The following PRDM15 variants were observed in gnomAD, a reference collection of about 807,000 sequenced individuals.
The protein encoded by PRDM15 is PR/SET domain 15, also known as PR domain zinc finger protein 15.
PRDM15 carries 64 observed loss-of-function variants against 128.6 expected under a neutral mutation model. The observed-to-expected ratio is 0.50, with a 90% confidence interval of 0.41 to 0.61. The LOEUF (loss-of-function observed/expected upper bound fraction) is 0.61. PRDM15 is among the 20% of genes least tolerant of loss of function. The probability of loss-of-function intolerance (pLI) is 0.00; values close to 1 mark genes in which losing one functional copy is unlikely to be tolerated. For missense variants in PRDM15, 1,242 were observed against 1,569.1 expected (o/e 0.79, Z 3.52); for synonymous variants, 615 against 621.8 (o/e 0.99, Z 0.16).
chr21:41,806,732 T>C (rs1431336593), intron 21 of PRDM15, among the ~76,000 whole-genome samples: 30 of 86,000 alleles, frequency 3.5e-4, no homozygotes, highest in Non-Finnish European at 6.6e-4. Context: ...ACCATCACCA[T>C]CACCATACCA....
chr21:41,863,706 T>G (rs548781718), intron 1 of PRDM15, among the ~76,000 whole-genome samples: 13 of 152,260 alleles, frequency 8.5e-5, no homozygotes, highest in Admixed American at 2.0e-4. Flanking sequence ...AAGGCTGAAG[T>G]GACAGACTCA....
At position 41,823,371 on chromosome 21, in the gene PRDM15, G is replaced by A; in HGVS notation, c.1708C>T (p.Arg570Cys). The A allele has an allele frequency of 1.9e-6, 3 of 1,595,666 alleles. No individual in the cohort carries two copies. Among genetic ancestry groups the A allele is most frequent in the East Asian group, 2.3e-5 (1 of 43,544 alleles). Reference protein sequence around the residue: ...DKKYTCEICGRKFFRVDVLRD... With the variant: ...DKKYTCEICGCKFFRVDVLRD... ...AGCACATCCACGCGGAAGAACTTGC[G>A]CCCGCAGATCTCGCAGGTGTACTTC... The change falls in exon 14 of 24, where the codon CGC (arginine) becomes TGC (cysteine). Residue 570 changes from arginine (R) to cysteine (C), a missense_variant. Coordinates refer to ENST00000398548, the MANE Select transcript of PRDM15 (RefSeq NM_001040424.3).
rs763891895 is a variant in PRDM15, at chr21:41,860,310, G to T, written c.37+17C>A. On this transcript the variant is annotated intron_variant, in intron 2 of 23. Coordinates refer to ENST00000398548, the MANE Select transcript of PRDM15 (RefSeq NM_001040424.3). ...AGGGCTGGTCTCGGACCTGGGACAG[G>T]TCCCTGGGTCACTTACAGATGAACA... 1 of 1,611,354 alleles carries T rather than the reference G, an allele frequency of 6.2e-7. No homozygotes were observed. The highest frequency in any genetic ancestry group is 1.3e-5 in the African/African-American group (1 of 74,868).
intron 21 of PRDM15, among the ~76,000 whole-genome samples, chr21:41,807,011 T>C (rs1328811792): frequency 2.1e-5 from 3 of 146,282 alleles, no homozygotes; most frequent in Admixed American, 6.8e-5. Context: ...ACCACCACCA[T>C]CACCAACACC....
Position 41,859,236 on chromosome 21 carries a change from G to A in PRDM15, c.131+356C>T. ...CCGCTGGCAGGCCAAGACCTGGAAT[G>A]CAGAGAGAAGCCAACGAGCAGACCT... On this transcript the variant is annotated intron_variant, in intron 3 of 23. Coordinates refer to ENST00000398548, the MANE Select transcript of PRDM15 (RefSeq NM_001040424.3). This position sits in a 1 kb window ranked among gnomAD's most constrained non-coding sequence, Gnocchi z 5.3. 1.2e-6 allele frequency: 2 copies of A among 1,612,984 alleles called. No individual in the cohort carries two copies. The highest frequency in any genetic ancestry group is 8.5e-7 in the Non-Finnish European group (1 of 1,179,490).
rs1356334857 is a variant in PRDM15, at chr21:41,804,397, G to T, written c.2733+137C>A. ...CTAAGAGGTTCTGAGGGGAAGAGAA[G>T]CCAAGAAAACAGGGTAACCTGGCCA... On this transcript the variant is annotated intron_variant, in intron 22 of 23. Transcript: ENST00000398548. 1.1e-5 allele frequency: 7 copies of T among 660,370 alleles called. No homozygotes were observed. In the African/African-American group the frequency reaches 1.1e-4, roughly 11 times the overall value. The allele number at this position is 660,370 out of a possible 1,614,324, so 40.9% of individuals were successfully genotyped here. A position where few individuals can be genotyped will look rare whatever the true frequency, so the allele number is the denominator to read the frequency against.
intron 14 of PRDM15, 105 bp from the exon 15 acceptor site, chr21:41,822,142 A>C: frequency 6.6e-7 from 1 of 1,510,082 alleles, no homozygotes; most frequent in Non-Finnish European, 9.1e-7. Flanking sequence ...GCAGAAGAAA[A>C]TGCCTCTCTG....
At chr21:41,803,052 C>T (rs2061459781) in intron 22 of PRDM15, 131 bp from the exon 23 acceptor site, 2 of 730,086 alleles carry the variant, frequency 2.7e-6, no homozygotes, top group Admixed American at 2.0e-5. Context: ...CGAGCTGCCA[C>T]AAGAAACAGT....
chr21:41,857,918 G>T (rs2145887722), intron 3 of PRDM15, among the ~76,000 whole-genome samples: 1 of 152,316 alleles, frequency 6.6e-6, no homozygotes, highest in African/African-American at 2.4e-5. Flanking sequence ...GATTCACCCA[G>T]AGCACACCAT....
At chr21:41,818,396 C>T (rs1163856254) in intron 18 of PRDM15, among the ~76,000 whole-genome samples, 2 of 152,204 alleles carry the variant, frequency 1.3e-5, no homozygotes, top group Non-Finnish European at 2.9e-5. Context: ...GTAACTATGC[C>T]ACCTTCCAGA....
At position 41,854,254 on chromosome 21, in the gene PRDM15, C is replaced by T. The variant is rs114639468; in HGVS notation, c.538+312G>A. On this transcript the variant is annotated intron_variant, in intron 5 of 23. Coordinates refer to ENST00000398548, the MANE Select transcript of PRDM15 (RefSeq NM_001040424.3). The surrounding 1 kb of genome is among the most constrained non-coding windows in gnomAD (Gnocchi z 4.6). Reference sequence around the variant, plus strand: ...TAGCAGGCCAGGCCATCAAGGTGCGCGAGAGTGCGCTCTACCATGCACTCA... The same window carrying T: ...TAGCAGGCCAGGCCATCAAGGTGCGTGAGAGTGCGCTCTACCATGCACTCA... Among the ~76,000 whole-genome samples, 209 of 152,240 alleles carry T rather than the reference C, an allele frequency of 1.4e-3. No individual in the cohort carries two copies. The highest frequency in any genetic ancestry group is 4.8e-3 in the African/African-American group (201 of 41,552).
chr21:41,869,997 C>T (rs1250624135), intron 1 of PRDM15, among the ~76,000 whole-genome samples: 1 of 152,218 alleles, frequency 6.6e-6, no homozygotes, highest in Non-Finnish European at 1.5e-5. Context: ...CCAGTCAATG[C>T]AGTCTTGATG....
At chr21:41,860,105 C>T (rs1434232682) in intron 2 of PRDM15, among the ~76,000 whole-genome samples, 3 of 152,184 alleles carry the variant, frequency 2.0e-5, no homozygotes, top group Non-Finnish European at 2.9e-5. Flanking sequence ...AAAGTGCCCT[C>T]GGCCAGGAGT....
chr21:41,801,450 T>G lies in PRDM15; in HGVS notation c.3216A>C (p.Pro1072=). The change falls in exon 24 of 24, where the codon CCA becomes CCC. Residue 1072 remains proline (P), a synonymous_variant. Transcript: ENST00000398548. ...GGTTGATGAAATGGGCCACAGACTG[T>G]GGGTTCGAGGCTTCCGGCTGGGGGT... is the stretch of plus-strand genomic sequence containing the variant. ...QIHPQPEASN[P]QSVAHFINLT... 1 of 1,614,086 alleles carries G rather than the reference T, an allele frequency of 6.2e-7. No individual in the cohort carries two copies. The highest frequency in any genetic ancestry group is 1.1e-5 in the South Asian group (1 of 91,080).
chr21:41,874,502 C>CATATATATATAT (rs756151491), intron 1 of PRDM15, among the ~76,000 whole-genome samples: 3 of 118,668 alleles, frequency 2.5e-5, no homozygotes, highest in Non-Finnish European at 5.1e-5. Context: ...AAGCAGCATG[C>CATATATATATAT]ATATATATAT....
intron 5 of PRDM15, among the ~76,000 whole-genome samples, chr21:41,850,911 T>C (rs1045809002): frequency 2.0e-5 from 3 of 152,200 alleles, no homozygotes; most frequent in Non-Finnish European, 4.4e-5. Context: ...TACACGAAGA[T>C]GCATGTTTGG....
intron 11 of PRDM15, chr21:41,834,499 G>A (rs1169535994): frequency 1.3e-6 from 2 of 1,550,100 alleles, no homozygotes; most frequent in South Asian, 2.4e-5. Flanking sequence ...GGCGTCGAAG[G>A]CTAACCTGGT....
chr21:41,856,389 C>T (rs1457807370), intron 4 of PRDM15, among the ~76,000 whole-genome samples: 1 of 150,774 alleles, frequency 6.6e-6, no homozygotes, highest in Non-Finnish European at 1.5e-5. Flanking sequence ...TTCCAAAGGA[C>T]TTCCAAAAAC....
chr21:41,837,907 C>T (rs376027373), intron 8 of PRDM15, 27 bp downstream of exon 8: 15 of 1,613,480 alleles, frequency 9.3e-6, no homozygotes, highest in South Asian at 2.2e-5. Flanking sequence ...GTCCACAGGA[C>T]GGCCCCAGGT....
Sources: gnomAD v4.1 joint callset for allele counts (sites outside exome capture counted in the v4.1 genomes callset) on GRCh38, gnomAD v4.1.1 for gene constraint, Gnocchi (gnomAD v3.1) non-coding constraint, MANE v1.5 for transcripts, NCBI Gene and HGNC (gene_info 2026-07-23, HGNC 2026-07-21) for gene names.